SKIC3: variants seen among roughly 807,000 people sequenced by gnomAD.
The protein encoded by SKIC3 is superkiller complex protein 3.
At chr5:95,475,053 C>G in the SKIC3 span, among the ~76,000 whole-genome samples, 1 of 152,196 alleles carries the variant, frequency 6.6e-6, no homozygotes, top group Non-Finnish European at 1.5e-5. Flanking sequence ...TCCCCCAAAT[C>G]TTGACAAGCT....
chr5:95,516,995 T>C, the SKIC3 span: 1 of 1,613,438 alleles, frequency 6.2e-7, no homozygotes, highest in Non-Finnish European at 8.5e-7. Context: ...TTGGCGATAA[T>C]AATTAATTCC....
At chr5:95,525,734 G>T in the SKIC3 span, 1 of 1,515,220 alleles carries the variant, frequency 6.6e-7, no homozygotes, top group Non-Finnish European at 9.2e-7. Context: ...AGCAATGTTT[G>T]CTTTAATTAA....
chr5:95,491,667 G>C, the SKIC3 span, among the ~76,000 whole-genome samples: 1 of 152,158 alleles, frequency 6.6e-6, no homozygotes, highest in East Asian at 1.9e-4. Context: ...AACTTTTTAT[G>C]CATAGAAAAG....
At chr5:95,512,762 G>T in the SKIC3 span, 1 of 882,044 alleles carries the variant, frequency 1.1e-6, no homozygotes, top group Non-Finnish European at 1.8e-6. Flanking sequence ...ACCTTTAAAT[G>T]AAGGGTCACT....
chr5:95,477,399 A>G, the SKIC3 span, among the ~76,000 whole-genome samples: 11 of 152,342 alleles, frequency 7.2e-5, no homozygotes, highest in African/African-American at 2.4e-4. Flanking sequence ...ATGCCTAGTT[A>G]AAGTGAGTAA....
the SKIC3 span, chr5:95,536,851 T>A: frequency 3.7e-6 from 6 of 1,613,658 alleles, no homozygotes; most frequent in Non-Finnish European, 4.2e-6. Context: ...GCACTTCTAA[T>A]GGATACTGTA....
At chr5:95,551,901 C>T in the SKIC3 span, among the ~76,000 whole-genome samples, 1 of 152,148 alleles carries the variant, frequency 6.6e-6, no homozygotes, top group Admixed American at 6.5e-5. Context: ...GTCCTATCTA[C>T]TATTATTCTC....
chr5:95,471,258 G>C, the SKIC3 span, among the ~76,000 whole-genome samples: 1 of 152,150 alleles, frequency 6.6e-6, no homozygotes, highest in East Asian at 1.9e-4. Context: ...AACTCTCACT[G>C]GATGCTTTTA....
chr5:95,520,938 T>G, the SKIC3 span: 2 of 738,660 alleles, frequency 2.7e-6, no homozygotes, highest in Non-Finnish European at 4.7e-6. Flanking sequence ...AACTTAACGG[T>G]GTGTTATAAA....
At chr5:95,514,764 GCTATCCGTT>G in the SKIC3 span, 4 of 1,345,224 alleles carry the variant, frequency 3.0e-6, no homozygotes, top group African/African-American at 5.8e-5. Flanking sequence ...GCCCTCAAAT[GCTATCCGTT>G]ACCATTATTA....
chr5:95,502,897 C>T, the SKIC3 span: 2 of 1,613,866 alleles, frequency 1.2e-6, no homozygotes, highest in Non-Finnish European at 1.7e-6. Flanking sequence ...ATAGCAATGT[C>T]TTGGCTACAT....
the SKIC3 span, chr5:95,528,712 A>G: frequency 2.5e-6 from 1 of 407,526 alleles, no homozygotes; most frequent in East Asian, 5.7e-5. Flanking sequence ...GACACACCAG[A>G]AACTTCCTTG....
At chr5:95,531,040 T>TA in the SKIC3 span, among the ~76,000 whole-genome samples, 1 of 150,524 alleles carries the variant, frequency 6.6e-6, no homozygotes, top group Non-Finnish European at 1.5e-5. Context: ...CTTGAAGCAA[T>TA]AAATATGGGA....
chr5:95,551,945 A>C, the SKIC3 span, among the ~76,000 whole-genome samples: 1 of 151,640 alleles, frequency 6.6e-6, no homozygotes, highest in Non-Finnish European at 1.5e-5. Context: ...TTCCTAAAAC[A>C]ACTAGTGTGA....
chr5:95,546,306 A>G, the SKIC3 span, among the ~76,000 whole-genome samples: 1 of 150,506 alleles, frequency 6.6e-6, no homozygotes, highest in East Asian at 1.9e-4. Flanking sequence ...AATCTTTCCA[A>G]TCCTTACTAG....
chr5:95,503,084 T>A, the SKIC3 span: 121 of 1,546,936 alleles, frequency 7.8e-5, no homozygotes, highest in Non-Finnish European at 1.0e-4. Context: ...CCTTTCCAAA[T>A]TTTTTAGAAA....
the SKIC3 span, among the ~76,000 whole-genome samples, chr5:95,506,658 GA>G: frequency 6.6e-6 from 1 of 152,034 alleles, no homozygotes; most frequent in Non-Finnish European, 1.5e-5. Context: ...TCCAATTAAC[GA>G]GGCTTCTACT....
the SKIC3 span, among the ~76,000 whole-genome samples, chr5:95,492,622 G>A: frequency 1.1e-4 from 8 of 76,120 alleles, no homozygotes; most frequent in Non-Finnish European, 2.5e-5. Context: ...GGGCGACAGA[G>A]CGAGACTCCG....
the SKIC3 span, chr5:95,547,095 T>C: frequency 5.6e-6 from 9 of 1,613,228 alleles, no homozygotes; most frequent in Non-Finnish European, 7.6e-6. Context: ...GTATTCTTTG[T>C]TTCTGATTGC....
Sources: gnomAD v4.1 joint callset for allele counts (sites outside exome capture counted in the v4.1 genomes callset) on GRCh38, gnomAD v4.1.1 for gene constraint, MANE v1.5 for transcripts, NCBI Gene and HGNC (gene_info 2026-07-23, HGNC 2026-07-21) for gene names.